GAD1: variants seen among roughly 807,000 people sequenced by gnomAD.
GAD1 encodes the protein glutamate decarboxylase 1, also known as 67 kDa glutamic acid decarboxylase.
A neutral mutation model predicts 75.2 loss-of-function variants in GAD1; 35 were observed. The observed-to-expected ratio is 0.47, with a 90% CI of 0.36 to 0.62. The LOEUF (loss-of-function observed/expected upper bound fraction) is 0.62. Ranked by LOEUF, GAD1 falls within the 20% of genes least tolerant of loss-of-function variation. The probability of loss-of-function intolerance (pLI) is 0.00; values close to 1 mark genes in which losing one functional copy is unlikely to be tolerated. For synonymous variants in GAD1, 257 were observed against 271.9 expected (o/e 0.95, Z 0.54); for missense variants, 490 against 758.5 (o/e 0.65, Z 4.16).
intron 15 of GAD1, 57 bp from the exon 16 acceptor site, chr2:170,858,747 A>G (rs1702902649): frequency 1.0e-5 from 16 of 1,528,350 alleles, no homozygotes; most frequent in Non-Finnish European, 1.4e-5. Context: ...TGGTTTGGGA[A>G]CAGCTTTCTC....
intron 3 of GAD1, among the ~76,000 whole-genome samples, chr2:170,827,513 C>A (rs1702053437): frequency 6.6e-6 from 1 of 152,230 alleles, no homozygotes. Context: ...GTGCTCCACG[C>A]TGGCAGGTTC....
In GAD1 at chr2:170,860,398, C is replaced by A. The variant is rs1456043437; in HGVS notation, c.*516C>A. 3.7e-5 allele frequency: 6 copies of A among 162,038 alleles called. No individual in the cohort carries two copies. The highest frequency in any genetic ancestry group is 1.2e-4 in the African/African-American group (5 of 41,574). The allele number at this position is 162,038 out of a possible 1,614,324, so 10.0% of individuals were successfully genotyped here. ...ACCAAATGACAAGTCACACCCTCCC[C>A]ATTAGTATCCTGTTAGGGGAAAATA... is the stretch of plus-strand genomic sequence containing the variant. On this transcript the variant is annotated 3_prime_UTR_variant, in exon 17 of 17. Coordinates refer to ENST00000358196, the MANE Select transcript of GAD1 (RefSeq NM_000817.3).
At chr2:170,820,877 A>G (rs1228057427) in intron 2 of GAD1, among the ~76,000 whole-genome samples, 1 of 152,222 alleles carries the variant, frequency 6.6e-6, no homozygotes, top group Non-Finnish European at 1.5e-5. Context: ...TAGGACTGTT[A>G]CGAGAATTAG....
At chr2:170,852,611 G>A (rs909269959) in intron 12 of GAD1, 103 bp from the exon 13 acceptor site, 3 of 938,704 alleles carry the variant, frequency 3.2e-6, no homozygotes, top group East Asian at 4.9e-5. Context: ...AATAGGCATG[G>A]ATAATATTTA....
upstream of GAD1, chr2:170,816,748 C>G (rs554017905): frequency 2.6e-5 from 4 of 153,032 alleles, no homozygotes; most frequent in African/African-American, 9.6e-5. Context: ...GGTCAGGCAC[C>G]TGCAGAGGAG....
At chr2:170,822,014 C>T (rs1379820678) in intron 2 of GAD1, 73 bp from the exon 3 acceptor site, 10 of 1,272,572 alleles carry the variant, frequency 7.9e-6, no homozygotes, top group Admixed American at 2.0e-5. Flanking sequence ...CCCAAGAAAA[C>T]CATTGTCCTC....
At chr2:170,852,647 T>C (rs932418769) in intron 12 of GAD1, 67 bp from the exon 13 acceptor site, 44 of 1,359,446 alleles carry the variant, frequency 3.2e-5, no homozygotes, top group Middle Eastern at 3.6e-4. Flanking sequence ...ATGGGTGTTT[T>C]CCTCAAGAGA....
chr2:170,859,978 A>T lies in GAD1; in HGVS notation c.*96A>T. On this transcript the variant is annotated 3_prime_UTR_variant, in exon 17 of 17. Coordinates refer to ENST00000358196, the MANE Select transcript of GAD1 (RefSeq NM_000817.3). ...GTTGCTGAAACACACAGGCCATTTCATTGAGGGAAAACATAATATCTTGAA... is the reference window on the plus strand; with the variant it reads ...GTTGCTGAAACACACAGGCCATTTCTTTGAGGGAAAACATAATATCTTGAA... The T allele has an allele frequency of 9.3e-7, 1 of 1,078,494 alleles. No individual in the cohort carries two copies. Among genetic ancestry groups the T allele is most frequent in the Non-Finnish European group, 1.4e-6 (1 of 712,988 alleles). 66.8% of individuals were successfully genotyped at this position (1,078,494 alleles called of 1,614,324 possible). A position where few individuals can be genotyped will look rare whatever the true frequency, so the allele number is the denominator to read the frequency against.
At chr2:170,823,019 A>G (rs1701931168) in intron 3 of GAD1, among the ~76,000 whole-genome samples, 1 of 152,260 alleles carries the variant, frequency 6.6e-6, no homozygotes, top group Non-Finnish European at 1.5e-5. Context: ...ATTTGTTCGA[A>G]GGGACACAGC....
rs772896216 is a variant in GAD1, at chr2:170,845,733, G to A, written c.895G>A (p.Ala299Thr). 3 of 1,614,150 alleles carry A rather than the reference G, an allele frequency of 1.9e-6. No homozygotes were observed. Among genetic ancestry groups the A allele is most frequent in the Admixed American group, 3.3e-5 (2 of 60,014 alleles). ...QSHYSIKKAG[A>T]ALGFGTDNVI... ...TCACTATTCCATAAAGAAAGCTGGG[G>A]CTGCACTTGGCTTTGGAACTGACAA... The change falls in exon 9 of 17, where the codon GCT (alanine) becomes ACT (threonine). Residue 299 changes from alanine to threonine, a missense_variant. Ala to Thr is a moderately conservative substitution (Grantham distance 58). Around this residue, in one of 3 missense-constraint regions of GAD1, gnomAD observed 324 missense variants for 523.9 expected, o/e 0.62. Transcript: ENST00000358196.
chr2:170,858,039 C>T (rs1702888589), intron 15 of GAD1, among the ~76,000 whole-genome samples: 1 of 151,990 alleles, frequency 6.6e-6, no homozygotes. Flanking sequence ...ATGTGAATCA[C>T]CAAATGAACA....
At chr2:170,814,460 C>G (rs1701661413), upstream of GAD1, among the ~76,000 whole-genome samples, 1 of 152,078 alleles carries the variant, frequency 6.6e-6, no homozygotes, top group African/African-American at 2.4e-5. Flanking sequence ...CTGCTGTGCC[C>G]AAGAGTTCGA....
At chr2:170,854,095 A>T in intron 14 of GAD1, 73 bp downstream of exon 14, 2 of 1,480,314 alleles carry the variant, frequency 1.4e-6, no homozygotes, top group Non-Finnish European at 9.4e-7. Context: ...AGAGGGGCAA[A>T]GATATATCAC....
upstream of GAD1, chr2:170,816,286 G>A (rs1701696358): frequency 6.6e-6 from 1 of 152,418 alleles, no homozygotes; most frequent in Non-Finnish European, 1.5e-5. Context: ...CCCAGGGCTG[G>A]ATGAGGAAAC....
rs536244541 is a variant in GAD1 at position 170,854,725 on chromosome 2, C to T, written c.1413+703C>T. ...CGGCCCCTTGAATTCTTTTATGAGG[C>T]TTCTCAACATGGGCTATGTATGACA... On this transcript the variant is annotated intron_variant, in intron 14 of 16. Coordinates refer to ENST00000358196, the MANE Select transcript of GAD1 (RefSeq NM_000817.3). 9.9e-5 allele frequency among the ~76,000 whole-genome samples: 15 copies of T among 152,276 alleles called. No homozygotes were observed. In the East Asian group the frequency reaches 2.7e-3, roughly 27 times the overall value.
chr2:170,856,474 G>A (rs942318237), intron 14 of GAD1, among the ~76,000 whole-genome samples: 10 of 152,184 alleles, frequency 6.6e-5, no homozygotes, highest in South Asian at 2.1e-4. Flanking sequence ...AGTATCTTTC[G>A]AAGTTTTTCT....
At chr2:170,855,381 T>A (rs982981757) in intron 14 of GAD1, among the ~76,000 whole-genome samples, 58 of 151,930 alleles carry the variant, frequency 3.8e-4, no homozygotes, top group African/African-American at 1.1e-3. Context: ...TCTAATTTTA[T>A]ATTTTTACTA....
Position 170,853,943 on chromosome 2 carries a change from C to T in GAD1, c.1334C>T (p.Ser445Phe), listed in dbSNP as rs1169710215. ...LFQPDKQYDVSYDTGDKAIQC... is the reference protein window; with the variant it reads ...LFQPDKQYDVFYDTGDKAIQC... ...CAGCCAGACAAGCAGTATGATGTCT[C>T]CTACGACACCGGGGACAAGGCAATT... Residue 445 changes from serine to phenylalanine, a missense_variant, in exon 14 of 17, where the codon TCC becomes TTC. Physicochemically the swap from Ser to Phe is radical, Grantham distance 155 (BLOSUM62 -2). Coordinates refer to ENST00000358196, the MANE Select transcript of GAD1 (RefSeq NM_000817.3). This position sits in a 1 kb window ranked among gnomAD's most constrained non-coding sequence, Gnocchi z 4.1. The T allele has an allele frequency of 1.2e-6, 2 of 1,613,974 alleles. No individual in the cohort carries two copies. The highest frequency in any genetic ancestry group is 1.1e-5 in the South Asian group (1 of 91,080).
upstream of GAD1, among the ~76,000 whole-genome samples, chr2:170,815,930 C>A (rs1012803483): frequency 3.9e-5 from 6 of 152,200 alleles, no homozygotes; most frequent in African/African-American, 1.4e-4. Context: ...TCTCTTTCAA[C>A]GCATTTTTAC....
Sources: allele counts gnomAD v4.1 joint callset (sites outside exome capture counted in the v4.1 genomes callset), GRCh38; gene constraint gnomAD v4.1.1; regional missense constraint gnomAD v4.1.1; non-coding constraint Gnocchi (gnomAD v3.1); transcripts MANE v1.5; gene names NCBI Gene and HGNC (gene_info 2026-07-23, HGNC 2026-07-21).